The following HDAC9 variants were observed in gnomAD, a reference collection of about 807,000 sequenced individuals.
HDAC9 encodes MEF-2 interacting transcription repressor (MITR) protein.
Under a neutral mutation model 139.4 loss-of-function variants are expected in HDAC9, and 41 were observed. The ratio of observed to expected loss-of-function variants is 0.29; its 90% CI spans 0.23 to 0.38. HDAC9 has a LOEUF of 0.38. HDAC9 is among the 10% of genes least tolerant of loss of function. The pLI is 1.00. For missense variants in HDAC9, 1,147 were observed against 1,297.0 expected, an observed-to-expected ratio of 0.88 and a Z score of 1.78; for synonymous variants, 517 against 476.2, an observed-to-expected ratio of 1.09 and a Z score of -1.12.
chr7:18,627,529 C>G (rs1290018071), intron 6 of HDAC9, among the ~76,000 whole-genome samples: 3 of 152,154 alleles, frequency 2.0e-5, no homozygotes, highest in Non-Finnish European at 4.4e-5. Flanking sequence ...GAAAACATAT[C>G]TAAGTACATT....
At chr7:18,897,052 A>G (rs1344166812) in intron 22 of HDAC9, among the ~76,000 whole-genome samples, 2 of 152,064 alleles carry the variant, frequency 1.3e-5, no homozygotes, top group African/African-American at 4.8e-5. Flanking sequence ...TAGAGTATGC[A>G]TATGCTCATT....
intron 2 of HDAC9, among the ~76,000 whole-genome samples, chr7:18,189,300 A>G (rs1317753216): frequency 1.3e-5 from 2 of 150,988 alleles, no homozygotes; most frequent in Non-Finnish European, 2.9e-5. Flanking sequence ...CATTGAGAAC[A>G]CATCACACAG....
intron 17 of HDAC9, among the ~76,000 whole-genome samples, chr7:18,824,744 C>T (rs1562967020): frequency 6.6e-6 from 1 of 152,298 alleles, no homozygotes; most frequent in East Asian, 1.9e-4. Flanking sequence ...CTTCTCTCTG[C>T]CACCCTCATG....
chr7:18,145,256 G>A (rs921332249), intron 1 of HDAC9, among the ~76,000 whole-genome samples: 12 of 152,184 alleles, frequency 7.9e-5, no homozygotes, highest in African/African-American at 2.9e-4. Context: ...TTGTAGTCTG[G>A]TATAGTCTGA....
intron 25 of HDAC9, among the ~76,000 whole-genome samples, chr7:18,995,274 A>G (rs1786370404): frequency 6.6e-6 from 1 of 152,174 alleles, no homozygotes; most frequent in Admixed American, 6.5e-5. Context: ...TCCCATGACA[A>G]TCCAACTACC....
chr7:18,488,465 C>T (rs890410932), intron 1 of HDAC9, among the ~76,000 whole-genome samples: 3 of 151,856 alleles, frequency 2.0e-5, no homozygotes, highest in African/African-American at 7.2e-5. Context: ...GCTGTTTATA[C>T]GAAGTATAAA....
chr7:18,350,074 T>G (rs553941838), intron 1 of HDAC9, among the ~76,000 whole-genome samples: 1 of 152,248 alleles, frequency 6.6e-6, no homozygotes, highest in African/African-American at 2.4e-5. Flanking sequence ...CCTCTTGTTA[T>G]TATCTTTTAT....
At chr7:18,416,236 C>T (rs1789047268) in intron 1 of HDAC9, among the ~76,000 whole-genome samples, 1 of 151,934 alleles carries the variant, frequency 6.6e-6, no homozygotes, top group Admixed American at 6.6e-5. Flanking sequence ...GCAGAGGTTG[C>T]AGTGAGCCGA....
In HDAC9 at chr7:18,793,522, G is replaced by T; in HGVS notation, c.2322+70G>T. On this transcript the variant is annotated intron_variant, in intron 17 of 25. Transcript: ENST00000686413. ...CTGAAACAGAGATGTTGTTATGTGG[G>T]AATTGCGGGGAGTGTGGCGTGGTAA... 11 of 988,952 alleles carry T rather than the reference G, an allele frequency of 1.1e-5. No homozygotes were observed. The South Asian group carries it at 1.5e-4, about 14-fold the overall frequency. The allele number at this position is 988,952 out of a possible 1,614,324, so 61.3% of individuals were successfully genotyped here. A position where few individuals can be genotyped will look rare whatever the true frequency, so the allele number is the denominator to read the frequency against.
At chr7:18,299,220 AT>A (rs11438085) in intron 1 of HDAC9, among the ~76,000 whole-genome samples, 7,833 of 138,854 alleles carry the variant, frequency 0.056, 227 homozygotes, top group East Asian at 0.13. Context: ...AACTCTTAAG[AT>A]TTTTTTTTTT....
chr7:18,776,166 C>G (rs920347912), intron 16 of HDAC9, among the ~76,000 whole-genome samples: 1 of 152,040 alleles, frequency 6.6e-6, no homozygotes, highest in Admixed American at 6.6e-5. Context: ...TAGTCTCAAA[C>G]TCCCTGCCTC....
intron 6 of HDAC9, among the ~76,000 whole-genome samples, chr7:18,611,274 G>C (rs771822939): frequency 6.6e-6 from 1 of 152,020 alleles, no homozygotes. Flanking sequence ...GTATTATTTG[G>C]TCAGGAATAA....
chr7:18,396,030 T>G (rs1003011774), intron 1 of HDAC9, among the ~76,000 whole-genome samples: 3 of 151,426 alleles, frequency 2.0e-5, no homozygotes, highest in African/African-American at 7.3e-5. Context: ...AGTCTTTTTA[T>G]ATGGTTTCTA....
At chr7:18,514,094 G>T (rs571175211) in intron 2 of HDAC9, among the ~76,000 whole-genome samples, 1 of 152,316 alleles carries the variant, frequency 6.6e-6, no homozygotes, top group East Asian at 1.9e-4. Context: ...ATCTAGCTTA[G>T]TTTGATACCT....
chr7:18,736,855 A>G (rs1786960316), intron 13 of HDAC9, among the ~76,000 whole-genome samples: 1 of 152,168 alleles, frequency 6.6e-6, no homozygotes, highest in African/African-American at 2.4e-5. Flanking sequence ...GTGTGAATCC[A>G]TCTGGTATTG....
intron 2 of HDAC9, among the ~76,000 whole-genome samples, chr7:18,169,702 C>T (rs538377349): frequency 1.3e-5 from 2 of 152,050 alleles, no homozygotes; most frequent in Non-Finnish European, 2.9e-5. Flanking sequence ...TGAGTGAGAA[C>T]ATGTGGTGTT....
chr7:18,713,632 A>G (rs1359160076), intron 12 of HDAC9, among the ~76,000 whole-genome samples: 3 of 152,090 alleles, frequency 2.0e-5, no homozygotes, highest in Non-Finnish European at 4.4e-5. Flanking sequence ...ATGCAAGAAG[A>G]TTTATTAATA....
At chr7:18,370,227 T>C (rs1344235938) in intron 1 of HDAC9, among the ~76,000 whole-genome samples, 17 of 152,188 alleles carry the variant, frequency 1.1e-4, no homozygotes, top group Non-Finnish European at 1.5e-5. Flanking sequence ...ATCCAGTCAG[T>C]GTGGTTCTAG....
chr7:18,217,450 A>G (rs1243219783), intron 2 of HDAC9, among the ~76,000 whole-genome samples: 1 of 151,930 alleles, frequency 6.6e-6, no homozygotes, highest in Non-Finnish European at 1.5e-5. Flanking sequence ...TAGTTTGTTC[A>G]CTTTTTTAAA....
Sources: allele counts gnomAD v4.1 joint callset (sites outside exome capture counted in the v4.1 genomes callset), GRCh38; gene constraint gnomAD v4.1.1; transcripts MANE v1.5; gene names NCBI Gene and HGNC (gene_info 2026-07-23, HGNC 2026-07-21).